Variants in SLC25A48 observed in about 807,000 individuals in gnomAD.
SLC25A48 encodes CTC-321K16.1.
In SLC25A48, 29 loss-of-function variants were observed where a neutral mutation model predicts 32.2. The observed-to-expected ratio is 0.90, with a 90% CI of 0.67 to 1.23. The LOEUF is 1.23. Ranked by LOEUF, SLC25A48 falls within the 50% of genes most tolerant of loss-of-function variation. The pLI, the probability that SLC25A48 is intolerant of heterozygous loss-of-function variation, is 0.00. For synonymous variants in SLC25A48, 164 were observed against 172.3 expected (o/e 0.95, Z 0.38); for missense variants, 399 against 422.7 (o/e 0.94, Z 0.49).
chr5:135,762,922 G>A (rs1339439970), intron 3 of SLC25A48, among the ~76,000 whole-genome samples: 1 of 152,066 alleles, frequency 6.6e-6, no homozygotes, highest in African/African-American at 2.4e-5. Flanking sequence ...GTGTGGCTGA[G>A]TATGGGTGTG....
chr5:135,685,639 G>T (rs972043975), intron 3 of SLC25A48, among the ~76,000 whole-genome samples: 3 of 152,104 alleles, frequency 2.0e-5, no homozygotes, highest in Non-Finnish European at 4.4e-5. Flanking sequence ...CACCATGTTG[G>T]TTTCTAACTC....
chr5:135,752,689 A>C (rs193122003), intron 3 of SLC25A48, among the ~76,000 whole-genome samples: 3 of 152,118 alleles, frequency 2.0e-5, no homozygotes, highest in Admixed American at 2.0e-4. Flanking sequence ...GTACACCCAA[A>C]GTGATTTCAG....
intron 2 of SLC25A48, among the ~76,000 whole-genome samples, chr5:135,847,001 C>A (rs758390799): frequency 6.6e-6 from 1 of 152,036 alleles, no homozygotes; most frequent in Non-Finnish European, 1.5e-5. Flanking sequence ...TTTGCAAAAG[C>A]GAAAGAGTCC....
At chr5:135,589,165 C>T (rs913300376) in intron 1 of SLC25A48, among the ~76,000 whole-genome samples, 8 of 152,206 alleles carry the variant, frequency 5.3e-5, no homozygotes, top group African/African-American at 1.9e-4. Context: ...ATAATCCCCA[C>T]TTTAAATGCC....
At chr5:135,794,272 G>C (rs1021738826) in intron 3 of SLC25A48, among the ~76,000 whole-genome samples, 17 of 151,578 alleles carry the variant, frequency 1.1e-4, no homozygotes, top group Admixed American at 6.6e-5. Context: ...TCCCAATATT[G>C]CGGGGGATAT....
chr5:135,828,646 G>C (rs563917871), intron 4 of SLC25A48, among the ~76,000 whole-genome samples: 6 of 152,240 alleles, frequency 3.9e-5, no homozygotes, highest in Non-Finnish European at 8.8e-5. Flanking sequence ...ATGGGCTATG[G>C]AGGTTCATCC....
intron 4 of SLC25A48, among the ~76,000 whole-genome samples, chr5:135,829,075 C>T (rs960712812): frequency 1.3e-5 from 2 of 152,168 alleles, no homozygotes; most frequent in African/African-American, 4.8e-5. Context: ...TTATGGGTCT[C>T]CCCCAGCCCA....
At chr5:135,873,103 C>T (rs1361973116) in intron 5 of SLC25A48, among the ~76,000 whole-genome samples, 2 of 152,128 alleles carry the variant, frequency 1.3e-5, no homozygotes, top group African/African-American at 4.8e-5. Flanking sequence ...GGGGAAGTGG[C>T]CCCATTGTCC....
chr5:135,881,132 GT>G (rs1762443960), intron 7 of SLC25A48, among the ~76,000 whole-genome samples: 1 of 152,206 alleles, frequency 6.6e-6, no homozygotes, highest in Non-Finnish European at 1.5e-5. Context: ...TCCTCCCTGT[GT>G]TTTTTCTTCC....
chr5:135,758,074 T>C (rs184814972), intron 3 of SLC25A48, among the ~76,000 whole-genome samples: 103 of 150,866 alleles, frequency 6.8e-4, no homozygotes, highest in African/African-American at 2.3e-3. Context: ...ATATCTCTAG[T>C]GTTAACACAC....
chr5:135,790,002 G>T (rs1451564418), intron 3 of SLC25A48, among the ~76,000 whole-genome samples: 1 of 151,886 alleles, frequency 6.6e-6, no homozygotes, highest in East Asian at 1.9e-4. Context: ...ACCACTGGGT[G>T]TACACTCCCT....
intron 3 of SLC25A48, among the ~76,000 whole-genome samples, chr5:135,784,893 A>G (rs1300982097): frequency 2.5e-5 from 3 of 119,194 alleles, no homozygotes; most frequent in African/African-American, 7.7e-5. Flanking sequence ...GGATGATATT[A>G]CAAGCAATAT....
Position 135,653,818 on chromosome 5 carries a change from G to A in SLC25A48, c.-521+18862G>A, listed in dbSNP as rs866406556. 24 of 456,122 alleles carry A rather than the reference G, an allele frequency of 5.3e-5. 1 individual carries two copies. Among genetic ancestry groups the A allele is most frequent in the East Asian group, 1.4e-4 (2 of 14,406 alleles). 28.3% of individuals were successfully genotyped at this position (456,122 alleles called of 1,614,324 possible). A position where few individuals can be genotyped will look rare whatever the true frequency, so the allele number is the denominator to read the frequency against. Reference sequence around the variant, plus strand: ...AGAGAAGGAATATCTCATTGACAGCGGGTATTTCCTTATGGGATCCAACCT... The same window carrying A: ...AGAGAAGGAATATCTCATTGACAGCAGGTATTTCCTTATGGGATCCAACCT... On this transcript the variant is annotated intron_variant, in intron 3 of 10. Coordinates refer to the SLC25A48 transcript ENST00000646290.
At chr5:135,799,158 C>T (rs1402891590) in intron 3 of SLC25A48, among the ~76,000 whole-genome samples, 1 of 151,724 alleles carries the variant, frequency 6.6e-6, no homozygotes, top group African/African-American at 2.4e-5. Flanking sequence ...GGATGTACAG[C>T]ACCCTGTGAT....
intron 1 of SLC25A48, among the ~76,000 whole-genome samples, chr5:135,584,221 C>T (rs1286172515): frequency 1.3e-5 from 2 of 152,200 alleles, no homozygotes; most frequent in Admixed American, 1.3e-4. Flanking sequence ...GCATTTATTC[C>T]ACCATCTATT....
At chr5:135,881,485 A>G (rs1028966301) in intron 7 of SLC25A48, among the ~76,000 whole-genome samples, 1 of 152,226 alleles carries the variant, frequency 6.6e-6, no homozygotes, top group Non-Finnish European at 1.5e-5. Context: ...AAGTGGCAAC[A>G]TTCACAGCTT....
chr5:135,806,183 C>A (rs1245292893), intron 3 of SLC25A48, among the ~76,000 whole-genome samples: 1 of 151,424 alleles, frequency 6.6e-6, no homozygotes, highest in African/African-American at 2.4e-5. Flanking sequence ...ATGTACACCC[C>A]GTGATATGAT....
chr5:135,776,269 G>T (rs1221569908), intron 3 of SLC25A48, among the ~76,000 whole-genome samples: 1 of 140,542 alleles, frequency 7.1e-6, no homozygotes, highest in Admixed American at 7.1e-5. Flanking sequence ...TCATATCTGG[G>T]GGGTGGGGGG....
chr5:135,726,658 T>C (rs760880055), intron 3 of SLC25A48, among the ~76,000 whole-genome samples: 1 of 152,252 alleles, frequency 6.6e-6, no homozygotes, highest in South Asian at 2.1e-4. Flanking sequence ...TGTTCCTTTT[T>C]ATTGCTGAGT....
Sources: gnomAD v4.1 joint callset for allele counts (sites outside exome capture counted in the v4.1 genomes callset) on GRCh38, gnomAD v4.1.1 for gene constraint, MANE v1.5 for transcripts, NCBI Gene and HGNC (gene_info 2026-07-23, HGNC 2026-07-21) for gene names.